The following FOXN1 variants were observed in gnomAD, a reference collection of about 807,000 sequenced individuals.
FOXN1 encodes forkhead box protein N1.
Under a neutral mutation model 49.0 loss-of-function variants are expected in FOXN1, and 15 were observed. That is an observed-to-expected ratio of 0.31 (90% CI 0.20 to 0.47). FOXN1 has a LOEUF of 0.47. FOXN1 is among the 20% of genes least tolerant of loss of function. FOXN1 has a pLI of 1.00. For synonymous variants in FOXN1, 356 were observed against 369.0 expected (o/e 0.96, Z 0.40); for missense variants, 800 against 842.8 (o/e 0.95, Z 0.63).
intron 3 of FOXN1, among the ~76,000 whole-genome samples, chr17:28,526,667 T>C (rs1258857370): frequency 6.6e-6 from 1 of 152,154 alleles, no homozygotes; most frequent in East Asian, 1.9e-4. Context: ...AAGCTCTGCA[T>C]CAGGGATGGC....
chr17:28,521,449 G>A (rs1259997574), intron 1 of FOXN1, among the ~76,000 whole-genome samples: 1 of 152,256 alleles, frequency 6.6e-6, no homozygotes, highest in Non-Finnish European at 1.5e-5. Context: ...CCTCCAGGCA[G>A]GCCCGAGCTC....
Position 28,524,497 on chromosome 17 carries a change from AC to A in FOXN1, c.124-3del, listed in dbSNP as rs753266876. 1.9e-6 allele frequency: 3 copies of A among 1,613,032 alleles called. No individual in the cohort carries two copies. The highest frequency in any genetic ancestry group is 2.5e-6 in the Non-Finnish European group (3 of 1,179,468). On this transcript the variant is annotated splice_region_variant and splice_polypyrimidine_tract_variant and intron_variant, in intron 2 of 8. Transcript: ENST00000579795. ...CTCACAGGCTCGCTACTCTCTGTCT[AC>A]CCAGAAGCATGCCGGCTTCAGCTGC...
rs766240765 is a variant in FOXN1, at chr17:28,537,367, G to T, written c.1878G>T (p.Thr626=). The T allele has an allele frequency of 1.2e-6, 2 of 1,612,372 alleles. No homozygotes were observed. The highest frequency in any genetic ancestry group is 1.3e-5 in the African/African-American group (1 of 74,872). The part of the protein sequence containing the change: ...LYSAFMELEP[T]PPTAPAGPSV... Reference sequence around the variant, plus strand: ...CTGCCTTTATGGAGCTGGAGCCCACGCCCCCCACGGCCCCTGCAGGCCCCT... The same window carrying T: ...CTGCCTTTATGGAGCTGGAGCCCACTCCCCCCACGGCCCCTGCAGGCCCCT... Residue 626 remains threonine, a synonymous_variant, in exon 9 of 9, where the codon ACG becomes ACT. Transcript: ENST00000579795.
At chr17:28,509,583 G>A (rs150747992) in intron 1 of FOXN1, among the ~76,000 whole-genome samples, 7 of 152,342 alleles carry the variant, frequency 4.6e-5, no homozygotes, top group African/African-American at 1.7e-4. Context: ...GACAAAACGA[G>A]CAGGACAAGA....
rs10527420 is a variant in FOXN1 at position 28,523,792 on chromosome 17, T to TTCTCTC, written c.-14-129_-14-124dup. 29,665 of 641,378 alleles carry TTCTCTC rather than the reference T, an allele frequency of 0.046. 408 individuals are homozygous for TTCTCTC. The highest frequency in any genetic ancestry group is 0.12 in the East Asian group (4,115 of 34,086). 39.7% of individuals were successfully genotyped at this position (641,378 alleles called of 1,614,324 possible). A position where few individuals can be genotyped will look rare whatever the true frequency, so the allele number is the denominator to read the frequency against. The stretch of plus-strand genomic sequence containing the variant: ...TCTCTTTCTCTCTCTCGCTCTCTGG[T>TTCTCTC]TCTCTCTCTCTCTCTCTCTCTCTCT... On this transcript the variant is annotated intron_variant, in intron 1 of 8. Coordinates refer to ENST00000579795, the MANE Select transcript of FOXN1 (RefSeq NM_001369369.1).
Position 28,534,308 on chromosome 17 carries a change from C to G in FOXN1, c.928-23C>G, listed in dbSNP as rs368425372. The G allele has an allele frequency of 6.2e-7, 1 of 1,614,082 alleles. No homozygotes were observed. Among genetic ancestry groups the G allele is most frequent in the African/African-American group, 1.3e-5 (1 of 75,046 alleles). ...TGGCTTCCTGAGCCTGGCCTGAATGCTTGTCTTGCTCTGTTCCGGCAGACA... is the reference window on the plus strand; with the variant it reads ...TGGCTTCCTGAGCCTGGCCTGAATGGTTGTCTTGCTCTGTTCCGGCAGACA... On this transcript the variant is annotated intron_variant, in intron 6 of 8. Transcript: ENST00000579795. The surrounding 1 kb of genome is among the most constrained non-coding windows in gnomAD (Gnocchi z 4.1).
rs775254520 is a variant in FOXN1, at chr17:28,532,112, A to C, written c.927+1267A>C. 6.6e-4 allele frequency among the ~76,000 whole-genome samples: 100 copies of C among 152,100 alleles called. 1 individual carries two copies. The highest frequency in any genetic ancestry group is 2.2e-4 in the Non-Finnish European group (15 of 68,018). On this transcript the variant is annotated intron_variant, in intron 6 of 8. Coordinates refer to ENST00000579795, the MANE Select transcript of FOXN1 (RefSeq NM_001369369.1). The stretch of plus-strand genomic sequence containing the variant: ...AGGGTTTCAAGGGGCCAGGGCAGAG[A>C]GAGGGAAAAGCCCAGTCCTCTCAGC...
rs570027587 is a variant in FOXN1, at chr17:28,523,943, G to A, written c.-14-13G>A. ...GCTGGTCCTCACTCTCATGGCAGAC[G>A]GCTTTCTTTGAGGCCAGGACTGGGT... On this transcript the variant is annotated splice_polypyrimidine_tract_variant and intron_variant, in intron 1 of 8. Transcript: ENST00000579795. The A allele has an allele frequency of 3.0e-5, 48 of 1,613,062 alleles. No homozygotes were observed. The highest frequency in any genetic ancestry group is 8.9e-5 in the East Asian group (4 of 44,840).
At chr17:28,511,185 A>T (rs2069389328) in intron 1 of FOXN1, among the ~76,000 whole-genome samples, 1 of 152,200 alleles carries the variant, frequency 6.6e-6, no homozygotes, top group Admixed American at 6.5e-5. Context: ...GTTCAAGGAG[A>T]TAACCACCTG....
At chr17:28,514,355 T>G (rs1296980176) in intron 1 of FOXN1, among the ~76,000 whole-genome samples, 1 of 152,112 alleles carries the variant, frequency 6.6e-6, no homozygotes, top group South Asian at 2.1e-4. Context: ...TTGAGTCAGA[T>G]CTCAAGGCAG....
At chr17:28,526,436 C>T (rs1263039249) in intron 3 of FOXN1, among the ~76,000 whole-genome samples, 1 of 152,244 alleles carries the variant, frequency 6.6e-6, no homozygotes, top group Non-Finnish European at 1.5e-5. Context: ...TCCTCCAGGG[C>T]TTGTCCACCT....
chr17:28,516,778 C>T (rs1306367757), intron 1 of FOXN1, among the ~76,000 whole-genome samples: 2 of 118,810 alleles, frequency 1.7e-5, no homozygotes, highest in African/African-American at 6.0e-5. Context: ...AGGATCCATA[C>T]CTCAAAAGGG....
In FOXN1 at chr17:28,534,438, G is replaced by A. The variant is rs1234329880; in HGVS notation, c.1035G>A (p.Leu345=). 6.2e-6 allele frequency: 10 copies of A among 1,614,090 alleles called. No homozygotes were observed. The African/African-American group carries it at 1.3e-4, about 22-fold the overall frequency. The change falls in exon 7 of 9, where the codon CTG becomes CTA. Residue 345 remains leucine, a synonymous_variant. Coordinates refer to ENST00000579795, the MANE Select transcript of FOXN1 (RefSeq NM_001369369.1). The surrounding 1 kb of genome is among the most constrained non-coding windows in gnomAD (Gnocchi z 4.1). ...KSGSSSRKGC[L]WALNPAKIDK... ...GAAGTTCCTCCCGCAAGGGCTGCCT[G>A]TGGGCCCTCAATCCGGCCAAGATCG...
intron 1 of FOXN1, among the ~76,000 whole-genome samples, chr17:28,514,980 G>A (rs576162924): frequency 7.7e-4 from 117 of 152,268 alleles, no homozygotes; most frequent in Middle Eastern, 3.4e-3. Context: ...TTTGAAGCCC[G>A]GGTTGGAATC....
chr17:28,524,384 AG>A (rs1194841170), intron 2 of FOXN1, 118 bp from the exon 3 acceptor site: 4 of 926,038 alleles, frequency 4.3e-6, no homozygotes, highest in Non-Finnish European at 6.9e-6. Flanking sequence ...TCCACCATTT[AG>A]GGTCTTCCCA....
intron 1 of FOXN1, among the ~76,000 whole-genome samples, chr17:28,516,477 A>G (rs555350272): frequency 4.9e-4 from 74 of 150,614 alleles, no homozygotes; most frequent in African/African-American, 1.7e-3. Context: ...ACACACTTCC[A>G]CAGAGTACAC....
chr17:28,518,555 A>G, intron 1 of FOXN1, among the ~76,000 whole-genome samples: 1 of 152,192 alleles, frequency 6.6e-6, no homozygotes. Flanking sequence ...TCCTGTTGTC[A>G]GCCTTTCTGG....
Position 28,524,581 on chromosome 17 carries a change from C to A in FOXN1, c.202C>A (p.Pro68Thr). Residue 68 changes from proline (P) to threonine (T), a missense_variant, in exon 3 of 9, where the codon CCC becomes ACC. Coordinates refer to ENST00000579795, the MANE Select transcript of FOXN1 (RefSeq NM_001369369.1). Reference sequence around the variant, plus strand: ...GACACCCTCACTGCCCCCACACAGCCCCCGCATTGCGTCACCAGGGCCCGA... The same window carrying A: ...GACACCCTCACTGCCCCCACACAGCACCCGCATTGCGTCACCAGGGCCCGA... The part of the protein sequence containing the change: ...ERTPSLPPHS[P>T]RIASPGPEQV... 1 of 1,613,670 alleles carries A rather than the reference C, an allele frequency of 6.2e-7. No homozygotes were observed. The highest frequency in any genetic ancestry group is 8.5e-7 in the Non-Finnish European group (1 of 1,179,986).
At position 28,537,790 on chromosome 17, in the gene FOXN1, G is replaced by T; in HGVS notation, c.*354G>T. On this transcript the variant is annotated 3_prime_UTR_variant, in exon 9 of 9. Coordinates refer to ENST00000579795, the MANE Select transcript of FOXN1 (RefSeq NM_001369369.1). ...CACCCACCCACATATCTTACAGCCA[G>T]AGGAACCAGCACTCCATCACTGAGA... 1 of 386,014 alleles carries T rather than the reference G, an allele frequency of 2.6e-6. No homozygotes were observed. The highest frequency in any genetic ancestry group is 4.9e-6 in the Non-Finnish European group (1 of 203,266). The allele number at this position is 386,014 out of a possible 1,614,324, so 23.9% of individuals were successfully genotyped here.
Sources: allele counts gnomAD v4.1 joint callset (sites outside exome capture counted in the v4.1 genomes callset), GRCh38; gene constraint gnomAD v4.1.1; non-coding constraint Gnocchi (gnomAD v3.1); transcripts MANE v1.5; gene names NCBI Gene and HGNC (gene_info 2026-07-23, HGNC 2026-07-21).